The following VSNL1 variants were observed in gnomAD, a reference collection of about 807,000 sequenced individuals.
VSNL1 encodes the protein visinin-like protein 1.
In VSNL1, 6 loss-of-function variants were observed where a neutral mutation model predicts 20.4. That is an observed-to-expected ratio of 0.29 (90% confidence interval 0.16 to 0.58). VSNL1 has a LOEUF of 0.58. VSNL1 is among the 20% of genes least tolerant of loss of function. The probability of loss-of-function intolerance (pLI) is 0.90; values close to 1 mark genes in which losing one functional copy is unlikely to be tolerated. For synonymous variants in VSNL1, 93 were observed against 86.4 expected, an observed-to-expected ratio of 1.08 and a Z score of -0.42; for missense variants, 100 against 234.5, an observed-to-expected ratio of 0.43 and a Z score of 3.75.
At chr2:17,624,904 C>T (rs1665472657) in intron 2 of VSNL1, among the ~76,000 whole-genome samples, 1 of 152,154 alleles carries the variant, frequency 6.6e-6, no homozygotes, top group Non-Finnish European at 1.5e-5. Flanking sequence ...TGAGAAAACG[C>T]CTGTGTGAAA....
chr2:17,570,937 A>C (rs1664067362), intron 1 of VSNL1, among the ~76,000 whole-genome samples: 1 of 152,064 alleles, frequency 6.6e-6, no homozygotes, highest in Non-Finnish European at 1.5e-5. Context: ...GGGAGGCTGG[A>C]GTCGCTTGAA....
chr2:17,601,875 G>A (rs1664828497), intron 2 of VSNL1, among the ~76,000 whole-genome samples: 1 of 152,154 alleles, frequency 6.6e-6, no homozygotes, highest in East Asian at 1.9e-4. Context: ...GGCAGAGGTT[G>A]CAGTGAGCCG....
At chr2:17,563,792 A>C (rs952025435) in intron 1 of VSNL1, among the ~76,000 whole-genome samples, 5 of 152,222 alleles carry the variant, frequency 3.3e-5, no homozygotes, top group African/African-American at 1.2e-4. Context: ...GAATCTAGAA[A>C]AAAATTAAAG....
chr2:17,559,438 T>G lies in VSNL1; in HGVS notation c.-6+18520T>G, dbSNP rs200045980. On this transcript the variant is annotated intron_variant, in intron 1 of 3. Coordinates refer to ENST00000295156, the MANE Select transcript of VSNL1 (RefSeq NM_003385.5). ...AAAAAAACAACAACAGCTTTTTAAA[T>G]TCATGCCTAAGGTTCTAATCAACTA... is the stretch of plus-strand genomic sequence containing the variant. 2.6e-4 allele frequency among the ~76,000 whole-genome samples: 39 copies of G among 151,818 alleles called. No homozygotes were observed. In the East Asian group the frequency reaches 7.3e-3, roughly 29 times the overall value.
chr2:17,630,543 GT>G (rs1426433116), intron 2 of VSNL1, among the ~76,000 whole-genome samples: 33 of 152,266 alleles, frequency 2.2e-4, no homozygotes, highest in African/African-American at 7.7e-4. Context: ...TTGTTTCATT[GT>G]TTTGCCACTT....
At chr2:17,591,885 A>C (rs1664599851) in intron 1 of VSNL1, among the ~76,000 whole-genome samples, 185 bp from the exon 2 acceptor site, 1 of 151,918 alleles carries the variant, frequency 6.6e-6, no homozygotes, top group Non-Finnish European at 1.5e-5. Flanking sequence ...CTGTCAGAAG[A>C]GTCTATTTCA....
At chr2:17,640,995 G>A (rs575248322) in intron 2 of VSNL1, among the ~76,000 whole-genome samples, 2 of 152,258 alleles carry the variant, frequency 1.3e-5, no homozygotes, top group African/African-American at 4.8e-5. Context: ...CCTGGCTCTG[G>A]CTGCCATTGC....
chr2:17,643,748 C>G (rs927049345), intron 2 of VSNL1, among the ~76,000 whole-genome samples: 2 of 152,156 alleles, frequency 1.3e-5, no homozygotes, highest in Non-Finnish European at 2.9e-5. Flanking sequence ...GGGTCTGACC[C>G]AGACCAAATC....
At chr2:17,551,914 A>G (rs1663546497) in intron 1 of VSNL1, among the ~76,000 whole-genome samples, 1 of 151,048 alleles carries the variant, frequency 6.6e-6, no homozygotes, top group Non-Finnish European at 1.5e-5. Context: ...AAAAAAAAAA[A>G]AAGCCCAGGC....
At chr2:17,589,979 A>G (rs1664562553) in intron 1 of VSNL1, among the ~76,000 whole-genome samples, 1 of 152,182 alleles carries the variant, frequency 6.6e-6, no homozygotes, top group Non-Finnish European at 1.5e-5. Flanking sequence ...AATGTCTTTC[A>G]TCCACCAGTC....
chr2:17,651,218 C>T (rs544130637), intron 3 of VSNL1, among the ~76,000 whole-genome samples: 3 of 152,336 alleles, frequency 2.0e-5, no homozygotes, highest in Non-Finnish European at 2.9e-5. Flanking sequence ...CAGCCAAAGT[C>T]CCCAAGGACA....
chr2:17,654,082 T>C (rs914202099), intron 3 of VSNL1, among the ~76,000 whole-genome samples: 4 of 152,266 alleles, frequency 2.6e-5, no homozygotes, highest in Admixed American at 2.6e-4. Context: ...TTTTTTACCG[T>C]ATAGCTGTAT....
intron 1 of VSNL1, among the ~76,000 whole-genome samples, chr2:17,583,181 C>A (rs1664390500): frequency 6.6e-6 from 1 of 152,148 alleles, no homozygotes; most frequent in South Asian, 2.1e-4. Flanking sequence ...GTACATGCCA[C>A]TCACCCCCTC....
intron 2 of VSNL1, among the ~76,000 whole-genome samples, chr2:17,640,252 C>CA (rs60583462): frequency 0.42 from 41,297 of 98,472 alleles, 6,862 homozygotes; most frequent in African/African-American, 0.47. Context: ...GACTCTGTTT[C>CA]AAAAAAAAAA....
rs1000161858 is a variant in VSNL1 at position 17,649,966 on chromosome 2, A to G, written c.378+341A>G. On this transcript the variant is annotated intron_variant, in intron 3 of 3. Coordinates refer to ENST00000295156, the MANE Select transcript of VSNL1 (RefSeq NM_003385.5). This position sits in a 1 kb window ranked among gnomAD's most constrained non-coding sequence, Gnocchi z 6.4. ...GCTCTGCCTCACTCCAGCTGCGCCT[A>G]GTGGGGACCCGAGGCTGTCAGGGGC... 6.6e-6 allele frequency among the ~76,000 whole-genome samples: 1 copy of G among 152,166 alleles called. No homozygotes were observed. The highest frequency in any genetic ancestry group is 2.4e-5 in the African/African-American group (1 of 41,432).
At chr2:17,602,461 A>C (rs577851306) in intron 2 of VSNL1, among the ~76,000 whole-genome samples, 1 of 152,286 alleles carries the variant, frequency 6.6e-6, no homozygotes, top group East Asian at 1.9e-4. Context: ...ATGTCAAAGC[A>C]GCCGGGTGTG....
intron 2 of VSNL1, among the ~76,000 whole-genome samples, chr2:17,601,615 G>A (rs559851050): frequency 2.0e-5 from 3 of 149,476 alleles, no homozygotes; most frequent in Admixed American, 6.7e-5. Flanking sequence ...CAGCCTGTAC[G>A]ACAGAGTGAG....
chr2:17,559,998 C>CA (rs1479632756), intron 1 of VSNL1, among the ~76,000 whole-genome samples: 1 of 151,346 alleles, frequency 6.6e-6, no homozygotes, highest in Non-Finnish European at 1.5e-5. Context: ...AGATAAATTA[C>CA]AAAAAAAGTA....
intron 2 of VSNL1, among the ~76,000 whole-genome samples, chr2:17,603,206 A>G (rs1419897646): frequency 6.6e-6 from 1 of 152,208 alleles, no homozygotes; most frequent in Non-Finnish European, 1.5e-5. Flanking sequence ...ACAAAACACC[A>G]TAAACCAAGT....
Sources: allele counts gnomAD v4.1 joint callset (sites outside exome capture counted in the v4.1 genomes callset), GRCh38; gene constraint gnomAD v4.1.1; non-coding constraint Gnocchi (gnomAD v3.1); transcripts MANE v1.5; gene names NCBI Gene and HGNC (gene_info 2026-07-23, HGNC 2026-07-21).